The following NBEA variants were observed in gnomAD, a reference collection of about 807,000 sequenced individuals.
NBEA encodes lysosomal-trafficking regulator 2.
Under a neutral mutation model 343.4 loss-of-function variants are expected in NBEA, and 44 were observed. The ratio of observed to expected loss-of-function variants is 0.13; its 90% confidence interval spans 0.10 to 0.16. The LOEUF is 0.16. Ranked by LOEUF, NBEA falls within the 10% of genes least tolerant of loss-of-function variation. The pLI, the probability that NBEA is intolerant of heterozygous loss-of-function variation, is 1.00. For synonymous variants in NBEA, 1,175 were observed against 1,238.7 expected (o/e 0.95, Z 1.08); for missense variants, 2,555 against 3,631.3 (o/e 0.70, Z 7.62).
intron 36 of NBEA, among the ~76,000 whole-genome samples, chr13:35,332,456 C>A (rs1413209585): frequency 6.6e-6 from 1 of 152,066 alleles, no homozygotes; most frequent in Non-Finnish European, 1.5e-5. Flanking sequence ...ACAGACATCT[C>A]TATATCATAA....
At chr13:35,661,034 A>G (rs571236479) in intron 55 of NBEA, among the ~76,000 whole-genome samples, 1 of 152,310 alleles carries the variant, frequency 6.6e-6, no homozygotes, top group East Asian at 1.9e-4. Flanking sequence ...TTCTAACACC[A>G]GTAGACTTTC....
intron 1 of NBEA, among the ~76,000 whole-genome samples, chr13:35,039,950 A>C (rs2152557177): frequency 6.6e-6 from 1 of 152,284 alleles, no homozygotes; most frequent in South Asian, 2.1e-4. Context: ...CTTTGTTCCT[A>C]GAATTTAGCA....
chr13:35,519,903 C>T (rs2077629131), intron 41 of NBEA, among the ~76,000 whole-genome samples: 1 of 152,166 alleles, frequency 6.6e-6, no homozygotes, highest in Non-Finnish European at 1.5e-5. Context: ...TACCCATTAA[C>T]CAAACTCTCT....
At chr13:34,986,493 GAGA>G (rs1358818834) in intron 1 of NBEA, among the ~76,000 whole-genome samples, 2 of 150,958 alleles carry the variant, frequency 1.3e-5, no homozygotes, top group Admixed American at 6.6e-5. Flanking sequence ...ACGTGTTGCT[GAGA>G]AGAATGTATA....
chr13:35,174,444 A>C (rs1043228554), intron 27 of NBEA, among the ~76,000 whole-genome samples: 1 of 152,164 alleles, frequency 6.6e-6, no homozygotes, highest in Non-Finnish European at 1.5e-5. Flanking sequence ...ATATTGATAC[A>C]GTAACTTTTT....
intron 57 of NBEA, among the ~76,000 whole-genome samples, 176 bp downstream of exon 57, chr13:35,667,746 T>C (rs982624409): frequency 2.6e-5 from 4 of 152,220 alleles, no homozygotes; most frequent in African/African-American, 9.6e-5. Context: ...GTTCATTTAA[T>C]TGCAAGTAAT....
chr13:35,230,028 T>A (rs2152768597), intron 33 of NBEA, among the ~76,000 whole-genome samples: 1 of 152,230 alleles, frequency 6.6e-6, no homozygotes, highest in African/African-American at 2.4e-5. Flanking sequence ...TATTATATTC[T>A]TTGCCCCCTA....
chr13:35,388,883 C>T (rs2042370253), intron 38 of NBEA, among the ~76,000 whole-genome samples: 1 of 152,166 alleles, frequency 6.6e-6, no homozygotes, highest in South Asian at 2.1e-4. Context: ...CACAACTGAG[C>T]ACAGAGGTTT....
rs991518306 is a variant in NBEA, at chr13:35,153,099, C to T, written c.2446-2675C>T. Among the ~76,000 whole-genome samples, 8 of 135,094 alleles carry T rather than the reference C, an allele frequency of 5.9e-5. No individual in the cohort carries two copies. The Admixed American group carries it at 6.6e-4, about 11-fold the overall frequency. 88.6% of individuals were successfully genotyped at this position (135,094 alleles called of 152,430 possible). On this transcript the variant is annotated intron_variant, in intron 18 of 58. Coordinates refer to ENST00000379939, the MANE Select transcript of NBEA (RefSeq NM_001385012.1). ...GTCGCCCAGGCTGCAGTGGCGTGAT[C>T]TCGGCTCACTGCAAGCTCCACCTCC...
chr13:35,015,766 T>C (rs1746738326), intron 1 of NBEA, among the ~76,000 whole-genome samples: 1 of 152,076 alleles, frequency 6.6e-6, no homozygotes, highest in Non-Finnish European at 1.5e-5. Context: ...ACTTTTTATA[T>C]TATGAGTTAT....
chr13:35,472,506 T>G lies in NBEA; in HGVS notation c.6555T>G (p.Asp2185Glu), dbSNP rs762553083. 13 of 1,613,908 alleles carry G rather than the reference T, an allele frequency of 8.1e-6. 1 individual carries two copies. The South Asian group carries it at 1.3e-4, about 16-fold the overall frequency. The change falls in exon 41 of 59, where the codon GAT becomes GAG. Residue 2185 changes from aspartate to glutamate, a missense_variant. Around this residue, in one of 21 missense-constraint regions of NBEA, gnomAD observed 246 missense variants for 313.7 expected, o/e 0.78. Coordinates refer to ENST00000379939, the MANE Select transcript of NBEA (RefSeq NM_001385012.1). ...TTEIYFEVDE[D>E]DSAFKKIDTK... is the part of the protein sequence containing the mutation. ...AAATCTACTTCGAGGTAGATGAGGA[T>G]GATTCTGCCTTCAAGAAGATCGACA...
chr13:35,323,363 A>G (rs1179557469), intron 36 of NBEA, among the ~76,000 whole-genome samples: 3 of 151,866 alleles, frequency 2.0e-5, no homozygotes, highest in Non-Finnish European at 4.4e-5. Flanking sequence ...GCACTTATAC[A>G]CCATGGAATA....
intron 26 of NBEA, among the ~76,000 whole-genome samples, chr13:35,172,341 C>T (rs2070531479): frequency 2.0e-5 from 3 of 151,892 alleles, no homozygotes. Flanking sequence ...GAAAGATTGA[C>T]CACATTAAGA....
chr13:34,978,091 G>A (rs926130434), intron 1 of NBEA, among the ~76,000 whole-genome samples: 4 of 152,224 alleles, frequency 2.6e-5, no homozygotes, highest in Admixed American at 6.5e-5. Context: ...ACAGGCATGG[G>A]CCACTACATC....
At chr13:35,252,770 G>A (rs923016451) in intron 34 of NBEA, among the ~76,000 whole-genome samples, 1 of 152,186 alleles carries the variant, frequency 6.6e-6, no homozygotes, top group African/African-American at 2.4e-5. Context: ...CTCTCTAACA[G>A]TGTGACCAGC....
At chr13:34,965,942 G>A (rs1244615881) in intron 1 of NBEA, among the ~76,000 whole-genome samples, 1 of 152,004 alleles carries the variant, frequency 6.6e-6, no homozygotes, top group Non-Finnish European at 1.5e-5. Context: ...CTAGGCTGTT[G>A]ACTGTTTTGA....
At chr13:35,389,441 G>A (rs1176294814) in intron 38 of NBEA, among the ~76,000 whole-genome samples, 1 of 151,860 alleles carries the variant, frequency 6.6e-6, no homozygotes, top group Non-Finnish European at 1.5e-5. Flanking sequence ...CTAGAAATTT[G>A]TATTCTAGGC....
At chr13:35,251,266 C>T (rs1417853488) in intron 34 of NBEA, 2 of 422,428 alleles carry the variant, frequency 4.7e-6, no homozygotes, top group East Asian at 1.4e-4. Flanking sequence ...GTATGCCAGT[C>T]GTCGCTGGTA....
chr13:35,173,785 A>G (rs910002828), intron 27 of NBEA, among the ~76,000 whole-genome samples, 191 bp downstream of exon 27: 14 of 152,158 alleles, frequency 9.2e-5, no homozygotes, highest in African/African-American at 3.4e-4. Context: ...TGTTTTGGTT[A>G]TTAAATGAAG....
Sources: gnomAD v4.1 joint callset for allele counts (sites outside exome capture counted in the v4.1 genomes callset) on GRCh38, gnomAD v4.1.1 for gene constraint, gnomAD v4.1.1 regional missense constraint, MANE v1.5 for transcripts, NCBI Gene and HGNC (gene_info 2026-07-23, HGNC 2026-07-21) for gene names.